The following ATRN variants were observed in gnomAD, a reference collection of about 807,000 sequenced individuals.
The protein encoded by ATRN is attractin-2.
ATRN carries 54 observed loss-of-function variants against 178.7 expected under a neutral mutation model. The observed-to-expected ratio is 0.30, with a 90% CI of 0.24 to 0.38. The LOEUF (loss-of-function observed/expected upper bound fraction) is 0.38, where lower values mean the gene tolerates loss of function less well. ATRN is among the 10% of genes least tolerant of loss of function. The pLI is 1.00. For missense variants in ATRN, 1,443 were observed against 1,815.1 expected, an observed-to-expected ratio of 0.79 and a Z score of 3.73; for synonymous variants, 636 against 663.0, an observed-to-expected ratio of 0.96 and a Z score of 0.63.
chr20:3,471,270 C>G lies in ATRN; in HGVS notation c.163C>G (p.Pro55Ala), dbSNP rs760527159. ...GCTGCGCCTCCCGCGGCTGCTGTCT[C>G]CACCGCTGCGGCCACGGCTGCTGCT... The part of the protein sequence containing the change: ...AGLRLPRLLS[P>A]PLRPRLLLLL... Residue 55 changes from proline (P) to alanine (A), a missense_variant, in exon 1 of 29, where the codon CCA becomes GCA. By Grantham distance (27) the Pro-to-Ala change is conservative (BLOSUM62 -1). Transcript: ENST00000262919. 1 of 1,459,110 alleles carries G rather than the reference C, an allele frequency of 6.9e-7. No homozygotes were observed. The highest frequency in any genetic ancestry group is 1.4e-5 in the South Asian group (1 of 73,408). 90.4% of individuals were successfully genotyped at this position (1,459,110 alleles called of 1,614,324 possible).
At chr20:3,474,479 C>T (rs1006016912) in intron 1 of ATRN, among the ~76,000 whole-genome samples, 19 of 151,860 alleles carry the variant, frequency 1.3e-4, no homozygotes, top group African/African-American at 2.7e-4. Flanking sequence ...GAGGCCGAGG[C>T]GGTGTATCAC....
intron 27 of ATRN, among the ~76,000 whole-genome samples, chr20:3,639,686 C>G (rs1482653896): frequency 6.6e-6 from 1 of 152,108 alleles, no homozygotes; most frequent in Non-Finnish European, 1.5e-5. Flanking sequence ...TCTCCTTGGG[C>G]AAAATGATGG....
chr20:3,597,726 G>A (rs2086551136), intron 21 of ATRN, among the ~76,000 whole-genome samples, 180 bp from the exon 22 acceptor site: 1 of 152,188 alleles, frequency 6.6e-6, no homozygotes, highest in Admixed American at 6.5e-5. Flanking sequence ...GGTTTGATGG[G>A]TTAACCCAAA....
Position 3,535,201 on chromosome 20 carries a change from A to T in ATRN, c.411-52A>T, listed in dbSNP as rs932985759. 6.8e-6 allele frequency: 5 copies of T among 730,354 alleles called. No individual in the cohort carries two copies. In the African/African-American group the frequency reaches 7.7e-5, roughly 11 times the overall value. The allele number at this position is 730,354 out of a possible 1,614,324, so 45.2% of individuals were successfully genotyped here. On this transcript the variant is annotated intron_variant, in intron 1 of 28. Transcript: ENST00000262919. The stretch of plus-strand genomic sequence containing the variant: ...GAAAATATATAAAATATATAAAAAT[A>T]TATGAAATTAATATAGCAGACTTAA...
At chr20:3,615,518 C>T (rs540870069) in intron 24 of ATRN, among the ~76,000 whole-genome samples, 1 of 150,672 alleles carries the variant, frequency 6.6e-6, no homozygotes, top group Admixed American at 6.6e-5. Flanking sequence ...AAGACACATG[C>T]TTTTAAGTAC....
intron 20 of ATRN, among the ~76,000 whole-genome samples, 184 bp from the exon 21 acceptor site, chr20:3,596,193 A>C (rs1008488857): frequency 6.6e-6 from 1 of 152,228 alleles, no homozygotes; most frequent in African/African-American, 2.4e-5. Flanking sequence ...TGAACTGCTG[A>C]GCAGTCAGTA....
At chr20:3,524,208 G>C (rs928126205) in intron 1 of ATRN, among the ~76,000 whole-genome samples, 8 of 149,800 alleles carry the variant, frequency 5.3e-5, no homozygotes, top group African/African-American at 2.0e-4. Flanking sequence ...AAGGGATGGA[G>C]GAGTATTTAC....
At position 3,471,160 on chromosome 20, in the gene ATRN, C is replaced by T. The variant is rs1298391048; in HGVS notation, c.53C>T (p.Ala18Val). The T allele has an allele frequency of 2.3e-5, 35 of 1,505,518 alleles. No individual in the cohort carries two copies. The highest frequency in any genetic ancestry group is 2.3e-4 in the Middle Eastern group (1 of 4,322). 93.3% of individuals were successfully genotyped at this position (1,505,518 alleles called of 1,614,324 possible). ...GCAAGGCTGAGGAGGAGGACGGCGG[C>T]GACGGCAGCGCTCGCGGGCAGGAGC... ...TEARLRRRTA[A>V]TAALAGRSGG... The change falls in exon 1 of 29, where the codon GCG (alanine) becomes GTG (valine). Residue 18 changes from alanine (A) to valine (V), a missense_variant. By Grantham distance (64) the Ala-to-Val change is moderately conservative. Transcript: ENST00000262919.
At chr20:3,473,174 CGGA>C (rs1405732457) in intron 1 of ATRN, among the ~76,000 whole-genome samples, 1 of 152,126 alleles carries the variant, frequency 6.6e-6, no homozygotes, top group South Asian at 2.1e-4. Flanking sequence ...CCTGCTCTTA[CGGA>C]GCTCACATTT....
At chr20:3,534,983 G>A (rs1479581635) in intron 1 of ATRN, among the ~76,000 whole-genome samples, 1 of 151,840 alleles carries the variant, frequency 6.6e-6, no homozygotes, top group Non-Finnish European at 1.5e-5. Flanking sequence ...ATAAGATTTA[G>A]GTATGTTTTG....
intron 26 of ATRN, 115 bp downstream of exon 26, chr20:3,634,504 A>G (rs1600171537): frequency 1.1e-6 from 1 of 872,218 alleles, no homozygotes; most frequent in East Asian, 2.6e-5. Flanking sequence ...AGACATCTCC[A>G]CGGAAGGAAT....
chr20:3,620,922 A>G (rs1210552708), intron 24 of ATRN, among the ~76,000 whole-genome samples: 1 of 152,188 alleles, frequency 6.6e-6, no homozygotes, highest in African/African-American at 2.4e-5. Context: ...GCAGCCCAGG[A>G]CGGCTTTGAA....
At position 3,471,315 on chromosome 20, in the gene ATRN, C is replaced by A; in HGVS notation, c.208C>A (p.Pro70Thr). 1.3e-6 allele frequency: 2 copies of A among 1,483,046 alleles called. No individual in the cohort carries two copies. The highest frequency in any genetic ancestry group is 1.8e-6 in the Non-Finnish European group (2 of 1,125,862). 91.9% of individuals were successfully genotyped at this position (1,483,046 alleles called of 1,614,324 possible). A position where few individuals can be genotyped will look rare whatever the true frequency, so the allele number is the denominator to read the frequency against. Residue 70 changes from proline to threonine, a missense_variant, in exon 1 of 29, where the codon CCG (proline) becomes ACG (threonine). Physicochemically the swap from Pro to Thr is conservative, Grantham distance 38 (BLOSUM62 -1). Coordinates refer to ENST00000262919, the MANE Select transcript of ATRN (RefSeq NM_139321.3). ...GCTGCTGCTGCTGTTGTTGCTCTCG[C>A]CGCCGCTGCTGCTGCTGCTGCTGCC... Reference protein sequence around the residue: ...RLLLLLLLLSPPLLLLLLPCE... With the variant: ...RLLLLLLLLSTPLLLLLLPCE...
Position 3,471,384 on chromosome 20 carries a change from T to TCAGCCG in ATRN, c.284_289dup (p.Ala95_Ala96dup). ...GGCGGCGGCGGCGGCGGTGTCGGGC[T>TCAGCCG]CAGCCGCAGCCGAGGCCAAGGAATG... is the stretch of plus-strand genomic sequence containing the variant. On this transcript the variant is annotated inframe_insertion, in exon 1 of 29. Transcript: ENST00000262919. 2.7e-6 allele frequency: 4 copies of TCAGCCG among 1,487,052 alleles called. No individual in the cohort carries two copies. The South Asian group carries it at 5.1e-5, about 19-fold the overall frequency. The allele number at this position is 1,487,052 out of a possible 1,614,324, so 92.1% of individuals were successfully genotyped here. A position where few individuals can be genotyped will look rare whatever the true frequency, so the allele number is the denominator to read the frequency against.
At chr20:3,608,471 C>T (rs1274173561) in intron 24 of ATRN, among the ~76,000 whole-genome samples, 1 of 152,166 alleles carries the variant, frequency 6.6e-6, no homozygotes, top group Non-Finnish European at 1.5e-5. Flanking sequence ...CCTGTCCTTT[C>T]CCTCACTGAA....
rs773327296 is a variant in ATRN, at chr20:3,540,318, G to A, written c.591G>A (p.Pro197=). The change falls in exon 3 of 29, where the codon CCG becomes CCA. Residue 197 remains proline (P), a synonymous_variant. Coordinates refer to ENST00000262919, the MANE Select transcript of ATRN (RefSeq NM_139321.3). ...YVYDGDSIYA[P]LVAAFSGLIV... ...ATGATGGGGACTCAATTTATGCACC[G>A]CTAGTTGCTGCATTTAGGTAAGCTC... 5.0e-6 allele frequency: 8 copies of A among 1,600,170 alleles called. No individual in the cohort carries two copies. The highest frequency in any genetic ancestry group is 2.7e-5 in the African/African-American group (2 of 74,538).
Position 3,582,366 on chromosome 20 carries a change from G to A in ATRN, c.2764+12G>A. 2 of 1,609,536 alleles carry A rather than the reference G, an allele frequency of 1.2e-6. No individual in the cohort carries two copies. Among genetic ancestry groups the A allele is most frequent in the African/African-American group, 1.3e-5 (1 of 74,914 alleles). On this transcript the variant is annotated intron_variant, in intron 16 of 28. Coordinates refer to ENST00000262919, the MANE Select transcript of ATRN (RefSeq NM_139321.3). ...CTGTGAAAGGCCTGGTAAGTTCACA[G>A]GTGAATTAGGTGGTATTCAGAGTTT...
intron 1 of ATRN, among the ~76,000 whole-genome samples, chr20:3,491,158 C>A (rs80049669): frequency 0.024 from 3,655 of 150,922 alleles, 114 homozygotes; most frequent in African/African-American, 0.072. Context: ...GGAAAAAAAT[C>A]AAAAAAAACC....
rs902004929 is a variant in ATRN at position 3,646,617 on chromosome 20, G to A, written c.4166-106G>A. The A allele has an allele frequency of 1.4e-5, 19 of 1,404,616 alleles. No homozygotes were observed. In the African/African-American group the frequency reaches 2.6e-4, roughly 19 times the overall value. The allele number at this position is 1,404,616 out of a possible 1,614,324, so 87.0% of individuals were successfully genotyped here. ...GTTTTTTGTTCTGGTTTTTTGGTTT[G>A]TTTGTTTTGCACCATGGGATTGAAA... On this transcript the variant is annotated intron_variant, in intron 28 of 28. Coordinates refer to ENST00000262919, the MANE Select transcript of ATRN (RefSeq NM_139321.3).
Sources: gnomAD v4.1 joint callset for allele counts (sites outside exome capture counted in the v4.1 genomes callset) on GRCh38, gnomAD v4.1.1 for gene constraint, MANE v1.5 for transcripts, NCBI Gene and HGNC (gene_info 2026-07-23, HGNC 2026-07-21) for gene names.